The following KCNQ5 variants were observed in gnomAD, a reference collection of about 807,000 sequenced individuals.
The protein encoded by KCNQ5 is potassium voltage-gated channel subfamily KQT member 5.
KCNQ5 carries 30 observed loss-of-function variants against 98.2 expected under a neutral mutation model. The observed-to-expected ratio is 0.31, with a 90% CI of 0.23 to 0.41. KCNQ5 has a LOEUF of 0.41. Among genes scored for constraint, KCNQ5 ranks in the 10% least tolerant of loss-of-function variants. The pLI is 1.00. For synonymous variants in KCNQ5, 458 were observed against 449.4 expected (o/e 1.02, Z -0.24); for missense variants, 835 against 1,182.5 (o/e 0.71, Z 4.31).
At chr6:72,636,472 G>A (rs1245675717) in intron 1 of KCNQ5, among the ~76,000 whole-genome samples, 1 of 152,138 alleles carries the variant, frequency 6.6e-6, no homozygotes, top group Admixed American at 6.5e-5. Flanking sequence ...TTGTGAAAGC[G>A]ATTCTCATAA....
At chr6:73,050,161 G>A (rs1772153611) in intron 3 of KCNQ5, among the ~76,000 whole-genome samples, 1 of 151,952 alleles carries the variant, frequency 6.6e-6, no homozygotes, top group Admixed American at 6.6e-5. Context: ...AGGCTGCAGT[G>A]AATTATGATT....
intron 1 of KCNQ5, among the ~76,000 whole-genome samples, chr6:72,763,622 G>A (rs1308877312): frequency 6.6e-6 from 1 of 152,034 alleles, no homozygotes; most frequent in African/African-American, 2.4e-5. Flanking sequence ...GTACAAAGGT[G>A]TTCATTTCAA....
At chr6:72,783,132 A>G (rs1773570939) in intron 1 of KCNQ5, among the ~76,000 whole-genome samples, 1 of 152,208 alleles carries the variant, frequency 6.6e-6, no homozygotes, top group Admixed American at 6.5e-5. Context: ...AACAGTTATG[A>G]GTGGGAGAGG....
intron 3 of KCNQ5, among the ~76,000 whole-genome samples, chr6:73,076,252 C>T (rs1335693478): frequency 6.6e-6 from 1 of 152,176 alleles, no homozygotes; most frequent in East Asian, 1.9e-4. Context: ...AGCAGTTAAT[C>T]CAGAGGATGA....
chr6:73,023,573 A>C (rs1770711766), intron 2 of KCNQ5, among the ~76,000 whole-genome samples: 1 of 152,194 alleles, frequency 6.6e-6, no homozygotes, highest in Non-Finnish European at 1.5e-5. Context: ...TTTCGTATTA[A>C]GCCCCTAGGA....
At chr6:72,706,466 C>T (rs16882715) in intron 1 of KCNQ5, among the ~76,000 whole-genome samples, 19,421 of 151,868 alleles carry the variant, frequency 0.13, 2,117 homozygotes, top group African/African-American at 0.29. Flanking sequence ...AATTTTATAA[C>T]TGAATAATCT....
intron 1 of KCNQ5, among the ~76,000 whole-genome samples, chr6:72,684,601 T>C (rs1565078274): frequency 6.6e-6 from 1 of 152,330 alleles, no homozygotes; most frequent in East Asian, 1.9e-4. Context: ...TACAATGGTC[T>C]GTCAATCAAA....
At chr6:73,116,528 A>T (rs1007773982) in intron 7 of KCNQ5, among the ~76,000 whole-genome samples, 28 of 152,118 alleles carry the variant, frequency 1.8e-4, no homozygotes, top group Non-Finnish European at 4.0e-4. Context: ...AGTCAAGTGC[A>T]ATGGCACACA....
At chr6:72,942,617 C>T (rs890779088) in intron 1 of KCNQ5, among the ~76,000 whole-genome samples, 6 of 152,138 alleles carry the variant, frequency 3.9e-5, no homozygotes, top group Admixed American at 6.5e-5. Flanking sequence ...AATTTGAATA[C>T]AGAAGTGAAG....
intron 1 of KCNQ5, among the ~76,000 whole-genome samples, chr6:72,941,360 TCTTCCTTCCTTCTTTCCTCCTTC>T (rs1308166135): frequency 0.028 from 1,134 of 40,384 alleles, 20 homozygotes; most frequent in Middle Eastern, 0.093. Context: ...TTCCTTCTTT[TCTTCCTTCCTTCTTTCCTCCTTC>T]CTTCCTTCCT....
At chr6:72,827,795 T>C (rs1582368648) in intron 1 of KCNQ5, among the ~76,000 whole-genome samples, 1 of 152,060 alleles carries the variant, frequency 6.6e-6, no homozygotes, top group Non-Finnish European at 1.5e-5. Context: ...GATCATAAAA[T>C]ATTTTCCCAG....
intron 7 of KCNQ5, 136 bp from the exon 8 acceptor site, chr6:73,120,347 T>C (rs1486340345): frequency 6.2e-6 from 3 of 482,478 alleles, no homozygotes; most frequent in Admixed American, 3.8e-5. Context: ...TTCTTCCTCC[T>C]TTGGGTATTT....
intron 1 of KCNQ5, among the ~76,000 whole-genome samples, chr6:72,675,635 C>G (rs376727614): frequency 3.3e-4 from 50 of 152,284 alleles, no homozygotes; most frequent in East Asian, 2.1e-3. Context: ...AATAACTGAA[C>G]TTTCTTGGCA....
At chr6:73,088,636 C>A (rs1488933516) in intron 5 of KCNQ5, among the ~76,000 whole-genome samples, 1 of 152,192 alleles carries the variant, frequency 6.6e-6, no homozygotes, top group Non-Finnish European at 1.5e-5. Context: ...AAATTTCTCT[C>A]TCAGGACTCA....
chr6:72,892,444 A>G (rs544371219), intron 1 of KCNQ5, among the ~76,000 whole-genome samples: 1 of 152,316 alleles, frequency 6.6e-6, no homozygotes, highest in Admixed American at 6.5e-5. Context: ...CACATTTGTG[A>G]TGAAAGTTCA....
intron 1 of KCNQ5, among the ~76,000 whole-genome samples, chr6:72,877,808 G>A (rs1014278989): frequency 2.0e-5 from 3 of 152,138 alleles, no homozygotes; most frequent in African/African-American, 4.8e-5. Flanking sequence ...TTTCTCTAAC[G>A]GCCAGTGATG....
intron 1 of KCNQ5, among the ~76,000 whole-genome samples, chr6:72,814,509 G>C (rs1004292565): frequency 6.6e-6 from 1 of 152,178 alleles, no homozygotes; most frequent in Non-Finnish European, 1.5e-5. Context: ...CCCGACACAG[G>C]AAGTTAAGCA....
intron 8 of KCNQ5, among the ~76,000 whole-genome samples, chr6:73,123,181 T>C (rs565688541): frequency 1.3e-5 from 2 of 150,456 alleles, no homozygotes; most frequent in African/African-American, 2.4e-5. Context: ...TCAAGGGATG[T>C]TGGGATAGAC....
chr6:72,910,445 T>G (rs2150204516), intron 1 of KCNQ5, among the ~76,000 whole-genome samples: 1 of 152,288 alleles, frequency 6.6e-6, no homozygotes, highest in South Asian at 2.1e-4. Context: ...TTTCTACTGC[T>G]GCCTATGGAC....
Sources: gnomAD v4.1 joint callset for allele counts (sites outside exome capture counted in the v4.1 genomes callset) on GRCh38, gnomAD v4.1.1 for gene constraint, MANE v1.5 for transcripts, NCBI Gene and HGNC (gene_info 2026-07-23, HGNC 2026-07-21) for gene names.